Variants in MDFIC2 observed in about 807,000 individuals in gnomAD.
MDFIC2 encodes myoD family inhibitor domain-containing protein 2.
intron 2 of MDFIC2, among the ~76,000 whole-genome samples, chr3:70,256,372 C>G (rs1206173528): frequency 1.3e-5 from 2 of 152,164 alleles, no homozygotes; most frequent in Non-Finnish European, 2.9e-5. Flanking sequence ...ATTATATAAA[C>G]TAATCTCTAA....
chr3:70,245,117 C>A (rs1701694423), intron 2 of MDFIC2, among the ~76,000 whole-genome samples: 1 of 152,056 alleles, frequency 6.6e-6, no homozygotes, highest in African/African-American at 2.4e-5. Context: ...CATTTCCTCT[C>A]CTTTAATAGC....
intron 2 of MDFIC2, among the ~76,000 whole-genome samples, chr3:70,220,710 G>T (rs1701454093): frequency 6.6e-6 from 1 of 152,168 alleles, no homozygotes. Flanking sequence ...AATATTTGCT[G>T]ACTGCTACTG....
chr3:70,245,596 G>A (rs1264356036), intron 2 of MDFIC2, among the ~76,000 whole-genome samples: 1 of 144,040 alleles, frequency 6.9e-6, no homozygotes, highest in East Asian at 2.1e-4. Flanking sequence ...CGAGATTATA[G>A]TAAAAAATAA....
At chr3:70,281,938 AG>A (rs1702088588) in intron 2 of MDFIC2, among the ~76,000 whole-genome samples, 1 of 152,210 alleles carries the variant, frequency 6.6e-6, no homozygotes, top group Non-Finnish European at 1.5e-5. Flanking sequence ...TTGATTGTAC[AG>A]TAACACCCTG....
intron 2 of MDFIC2, among the ~76,000 whole-genome samples, chr3:70,236,888 C>T (rs1047047532): frequency 3.9e-5 from 6 of 152,144 alleles, no homozygotes; most frequent in East Asian, 1.9e-4. Flanking sequence ...ACAGCCACTG[C>T]GCCTAGCAGA....
chr3:70,280,048 C>G (rs1702065434), intron 2 of MDFIC2, among the ~76,000 whole-genome samples: 1 of 152,172 alleles, frequency 6.6e-6, no homozygotes, highest in South Asian at 2.1e-4. Flanking sequence ...TTCACTGGAG[C>G]AAAATCAAGG....
chr3:70,242,100 T>C (rs1302401295), intron 2 of MDFIC2, among the ~76,000 whole-genome samples: 3 of 152,210 alleles, frequency 2.0e-5, no homozygotes, highest in African/African-American at 7.2e-5. Flanking sequence ...TGTGTACTGC[T>C]ATTGTGACAT....
At position 70,247,842 on chromosome 3, in the gene MDFIC2, T is replaced by C. The variant is rs538141385; in HGVS notation, c.89-41052A>G. Reference sequence around the variant, plus strand: ...TTATGGTCATTAAAAAAAATAGATATAAAAATATTCATGAAGCACTAAAAT... The same window carrying C: ...TTATGGTCATTAAAAAAAATAGATACAAAAATATTCATGAAGCACTAAAAT... On this transcript the variant is annotated intron_variant, in intron 2 of 3. Transcript: ENST00000567252. Among the ~76,000 whole-genome samples the C allele has an allele frequency of 1.2e-4, 19 of 152,118 alleles. No homozygotes were observed. In the South Asian group the frequency reaches 2.3e-3, roughly 18 times the overall value.
At chr3:70,263,235 T>C (rs555346149) in intron 2 of MDFIC2, among the ~76,000 whole-genome samples, 1 of 152,334 alleles carries the variant, frequency 6.6e-6, no homozygotes, top group East Asian at 1.9e-4. Flanking sequence ...TCTTCAGTAA[T>C]TTTTACTGTA....
At position 70,286,687 on chromosome 3, in the gene MDFIC2, A is replaced by C. The variant is rs1187323400; in HGVS notation, c.88+25199T>G. 4.6e-5 allele frequency among the ~76,000 whole-genome samples: 7 copies of C among 152,118 alleles called. No individual in the cohort carries two copies. The East Asian group carries it at 1.4e-3, about 29-fold the overall frequency. The stretch of plus-strand genomic sequence containing the variant: ...TTCATGATATTGATTCTTCCTACCC[A>C]TGAGCATGGAATGTTCTTCCATTTC... On this transcript the variant is annotated intron_variant, in intron 2 of 3. Transcript: ENST00000567252.
intron 2 of MDFIC2, among the ~76,000 whole-genome samples, chr3:70,252,054 T>C (rs1701774287): frequency 6.6e-6 from 1 of 152,182 alleles, no homozygotes; most frequent in African/African-American, 2.4e-5. Flanking sequence ...AAAAGGAGTT[T>C]CTCCTGTTAT....
At chr3:70,284,002 G>A (rs1410548632) in intron 2 of MDFIC2, among the ~76,000 whole-genome samples, 1 of 152,016 alleles carries the variant, frequency 6.6e-6, no homozygotes, top group African/African-American at 2.4e-5. Context: ...TACAGAAGGG[G>A]TTTCCATGCC....
intron 2 of MDFIC2, among the ~76,000 whole-genome samples, chr3:70,284,510 A>G (rs767137636): frequency 7.9e-5 from 12 of 152,214 alleles, no homozygotes; most frequent in Non-Finnish European, 1.8e-4. Flanking sequence ...ATGCCCATCA[A>G]TGATAGACTG....
intron 2 of MDFIC2, among the ~76,000 whole-genome samples, chr3:70,262,687 G>C (rs1701877996): frequency 1.3e-5 from 2 of 152,174 alleles, no homozygotes; most frequent in Non-Finnish European, 2.9e-5. Context: ...GTTGGCGCAT[G>C]CACCATGCTT....
At chr3:70,200,686 C>T (rs1034672523) in intron 3 of MDFIC2, among the ~76,000 whole-genome samples, 2 of 152,168 alleles carry the variant, frequency 1.3e-5, no homozygotes, top group African/African-American at 2.4e-5. Context: ...TTAGAATCTA[C>T]GTTGCAAGAG....
chr3:70,209,902 C>T (rs1701326414), intron 2 of MDFIC2, among the ~76,000 whole-genome samples: 1 of 152,062 alleles, frequency 6.6e-6, no homozygotes, highest in Non-Finnish European at 1.5e-5. Flanking sequence ...CCTTCTTGTT[C>T]CATTACAGCT....
chr3:70,289,374 G>A (rs1337295690), intron 2 of MDFIC2, among the ~76,000 whole-genome samples: 2 of 150,440 alleles, frequency 1.3e-5, no homozygotes, highest in African/African-American at 2.4e-5. Flanking sequence ...CTTTAAGAAT[G>A]TTGAATATTG....
chr3:70,250,695 A>G (rs1701756774), intron 2 of MDFIC2, among the ~76,000 whole-genome samples: 1 of 152,134 alleles, frequency 6.6e-6, no homozygotes, highest in Non-Finnish European at 1.5e-5. Flanking sequence ...TCAAATACTA[A>G]TATCCAGAGT....
At chr3:70,303,028 C>T (rs1175750893) in intron 2 of MDFIC2, among the ~76,000 whole-genome samples, 1 of 152,114 alleles carries the variant, frequency 6.6e-6, no homozygotes, top group Non-Finnish European at 1.5e-5. Flanking sequence ...ATCAGAGAAT[C>T]AAAATGATTT....
Sources: gnomAD v4.1 joint callset for allele counts (sites outside exome capture counted in the v4.1 genomes callset) on GRCh38, gnomAD v4.1.1 for gene constraint, MANE v1.5 for transcripts, NCBI Gene and HGNC (gene_info 2026-07-23, HGNC 2026-07-21) for gene names.